Variants in ADSL observed in about 807,000 individuals in gnomAD.
The protein encoded by ADSL is adenylosuccinate lyase.
ADSL carries 44 observed loss-of-function variants against 62.1 expected under a neutral mutation model. The observed-to-expected ratio is 0.71, with a 90% CI of 0.56 to 0.91. The LOEUF is 0.91. ADSL is among the 40% of genes least tolerant of loss of function. The pLI, the probability that ADSL is intolerant of heterozygous loss-of-function variation, is 0.00. For synonymous variants in ADSL, 198 were observed against 220.5 expected, an observed-to-expected ratio of 0.90 and a Z score of 0.90; for missense variants, 531 against 627.4, an observed-to-expected ratio of 0.85 and a Z score of 1.64.
rs1039494717 is a variant in ADSL at position 40,368,629 on chromosome 22, A to C, written c.*2107A>C. 2.6e-5 allele frequency: 4 copies of C among 152,222 alleles called. No individual in the cohort carries two copies. The highest frequency in any genetic ancestry group is 5.9e-5 in the Non-Finnish European group (4 of 68,072). The allele number at this position is 152,222 out of a possible 1,614,324, so 9.4% of individuals were successfully genotyped here. A position where few individuals can be genotyped will look rare whatever the true frequency, so the allele number is the denominator to read the frequency against. Reference sequence around the variant, plus strand: ...AAGAGTTACTCTGTTCATCTCTAAAAAATCTTGAAAAGGGCCGGGTGCGGT... The same window carrying C: ...AAGAGTTACTCTGTTCATCTCTAAACAATCTTGAAAAGGGCCGGGTGCGGT... On this transcript the variant is annotated 3_prime_UTR_variant, in exon 13 of 13. Transcript: ENST00000623063.
downstream of ADSL, among the ~76,000 whole-genome samples, chr22:40,372,320 G>T (rs1156897404): frequency 6.6e-6 from 1 of 151,424 alleles, no homozygotes; most frequent in South Asian, 2.1e-4. Flanking sequence ...TAGAGACGGG[G>T]TTTCACCGTG....
At chr22:40,359,115 A>G (rs1376045486) in intron 5 of ADSL, 80 bp downstream of exon 5, 1 of 1,598,952 alleles carries the variant, frequency 6.3e-7, no homozygotes, top group Admixed American at 1.7e-5. Flanking sequence ...GGATGATAGG[A>G]GAGATTGACT....
In ADSL at chr22:40,364,365, G is replaced by C; in HGVS notation, c.1191G>C (p.Gln397His). Residue 397 changes from glutamine (Q) to histidine (H), a missense_variant and splice_region_variant, in exon 11 of 13, where the codon CAG (glutamine) becomes CAC (histidine). By Grantham distance (24) the Gln-to-His change is conservative (BLOSUM62 0). Around this residue, in one of 2 missense-constraint regions of ADSL, gnomAD observed 471 missense variants for 592.9 expected, o/e 0.79. Coordinates refer to ENST00000623063, the MANE Select transcript of ADSL (RefSeq NM_000026.4). ...TGGTCAAAGCTGGAGGTAGCCGCCA[G>C]GTTTGTAACCCCTCATGTTCCTGGA... Reference protein sequence around the residue: ...MAMVKAGGSRQDCHEKIRVLS... With the variant: ...MAMVKAGGSRHDCHEKIRVLS... 6.2e-7 allele frequency: 1 copy of C among 1,613,688 alleles called. No homozygotes were observed. The highest frequency in any genetic ancestry group is 8.5e-7 in the Non-Finnish European group (1 of 1,179,776).
intron 2 of ADSL, among the ~76,000 whole-genome samples, chr22:40,386,723 C>G (rs1021458564): frequency 1.9e-4 from 29 of 151,666 alleles, no homozygotes; most frequent in African/African-American, 7.0e-4. Flanking sequence ...TGCCTGGCCC[C>G]TAGTTTCTTT....
intron 4 of ADSL, among the ~76,000 whole-genome samples, chr22:40,356,443 G>A (rs926437643): frequency 2.0e-5 from 3 of 151,436 alleles, no homozygotes; most frequent in Admixed American, 6.6e-5. Context: ...GCTGAGGCAG[G>A]AGAATCACTT....
At chr22:40,347,434 A>C (rs1378618996) in intron 1 of ADSL, 5 of 152,276 alleles carry the variant, frequency 3.3e-5, no homozygotes. Flanking sequence ...TTTCAGAAAT[A>C]GCTCCAGAAG....
chr22:40,376,607 T>C (rs1429937058), intron 2 of ADSL: 1 of 152,210 alleles, frequency 6.6e-6, no homozygotes, highest in African/African-American at 2.4e-5. Flanking sequence ...CTAAGAATTT[T>C]ATTTGTATTA....
At chr22:40,357,247 CTTTTTTTTTT>C (rs760770992) in intron 4 of ADSL, among the ~76,000 whole-genome samples, 4 of 102,772 alleles carry the variant, frequency 3.9e-5, no homozygotes, top group African/African-American at 1.5e-4. Context: ...TTGATTTGGG[CTTTTTTTTTT>C]TTTTTTTTTT....
chr22:40,360,613 A>C, intron 7 of ADSL, 121 bp downstream of exon 7: 1 of 734,406 alleles, frequency 1.4e-6, no homozygotes, highest in Non-Finnish European at 2.3e-6. Flanking sequence ...AGTTTTAATA[A>C]TTTGTGGTCT....
chr22:40,377,957 G>C (rs751402928), intron 2 of ADSL, among the ~76,000 whole-genome samples: 1 of 152,014 alleles, frequency 6.6e-6, no homozygotes, highest in Non-Finnish European at 1.5e-5. Context: ...AGAATACAAA[G>C]TACCCCTAAA....
intron 9 of ADSL, among the ~76,000 whole-genome samples, chr22:40,362,016 T>C (rs1450386500): frequency 6.6e-6 from 1 of 152,188 alleles, no homozygotes; most frequent in Non-Finnish European, 1.5e-5. Flanking sequence ...GAAGTCAACA[T>C]GTGCCAGGAG....
chr22:40,387,379 G>A, intron 2 of ADSL: 1 of 391,186 alleles, frequency 2.6e-6, no homozygotes, highest in African/African-American at 2.1e-5. Context: ...TTATATAGAT[G>A]GTAATGGCAA....
rs534209963 is a variant in ADSL at position 40,358,909 on chromosome 22, T to C, written c.528T>C (p.Ile176=). The change falls in exon 5 of 13, where the codon ATT becomes ATC. Residue 176 remains isoleucine (I), a synonymous_variant. Coordinates refer to ENST00000623063, the MANE Select transcript of ADSL (RefSeq NM_000026.4). ...TTGGGAAACGTTGCTGTCTTTGGAT[T>C]CAGGATCTTTGCATGGATCTCCAGA... The part of the protein sequence containing the change: ...TTVGKRCCLW[I]QDLCMDLQNL... The C allele has an allele frequency of 1.3e-5, 21 of 1,614,078 alleles. No homozygotes were observed. The African/African-American group carries it at 1.3e-4, about 10-fold the overall frequency.
chr22:40,356,145 T>C (rs1267026015), intron 4 of ADSL, among the ~76,000 whole-genome samples: 1 of 148,604 alleles, frequency 6.7e-6, no homozygotes, highest in South Asian at 2.1e-4. Flanking sequence ...GAGGTTGTAG[T>C]GAGCCAAGAT....
At chr22:40,357,142 T>A (rs2044593981) in intron 4 of ADSL, among the ~76,000 whole-genome samples, 1 of 151,842 alleles carries the variant, frequency 6.6e-6, no homozygotes, top group African/African-American at 2.4e-5. Flanking sequence ...GTGATCCACC[T>A]GCCTCGGCCT....
chr22:40,376,247 A>G (rs991098825), intron 2 of ADSL: 1 of 135,502 alleles, frequency 7.4e-6, no homozygotes, highest in African/African-American at 2.9e-5. Flanking sequence ...GAGCACCAAC[A>G]ATGAAGTTCA....
intron 1 of ADSL, 78 bp from the exon 2 acceptor site, chr22:40,349,754 G>T: frequency 7.5e-7 from 1 of 1,330,476 alleles, no homozygotes; most frequent in Non-Finnish European, 1.1e-6. Context: ...ACATGAATCA[G>T]TTTTTTTTCC....
In ADSL at chr22:40,361,524, G is replaced by A. The variant is rs864309550; in HGVS notation, c.899G>A (p.Arg300His). The change falls in exon 9 of 13, where the codon CGT becomes CAT. Residue 300 changes from arginine to histidine, a missense_variant. Transcript: ENST00000623063. ...ATGCCATATAAGCGGAATCCCATGCGTTCAGAACGTTGCTGCAGTCTTGCC... is the reference window on the plus strand; with the variant it reads ...ATGCCATATAAGCGGAATCCCATGCATTCAGAACGTTGCTGCAGTCTTGCC... The part of the protein sequence containing the change: ...SAMPYKRNPM[R>H]SERCCSLARH... 1.2e-5 allele frequency: 20 copies of A among 1,614,064 alleles called. No homozygotes were observed. Among genetic ancestry groups the A allele is most frequent in the Middle Eastern group, 1.6e-4 (1 of 6,084 alleles).
At chr22:40,374,789 A>G (rs1406039707) in intron 2 of ADSL, among the ~76,000 whole-genome samples, 1 of 152,188 alleles carries the variant, frequency 6.6e-6, no homozygotes, top group African/African-American at 2.4e-5. Context: ...CTGAGGCAGG[A>G]GGATTGCTTG....
Sources: allele counts gnomAD v4.1 joint callset (sites outside exome capture counted in the v4.1 genomes callset), GRCh38; gene constraint gnomAD v4.1.1; regional missense constraint gnomAD v4.1.1; transcripts MANE v1.5; gene names NCBI Gene and HGNC (gene_info 2026-07-23, HGNC 2026-07-21).